The following KLHL29 variants were observed in gnomAD, a reference collection of about 807,000 sequenced individuals.
KLHL29 encodes kelch like family member 29, also known as kelch-like protein 29.
In KLHL29, 21 loss-of-function variants were observed where a neutral mutation model predicts 80.4. The ratio of observed to expected loss-of-function variants is 0.26; its 90% CI spans 0.19 to 0.38. The LOEUF is 0.38. Among genes scored for constraint, KLHL29 ranks in the 10% least tolerant of loss-of-function variants. The pLI, the probability that KLHL29 is intolerant of heterozygous loss-of-function variation, is 1.00. For missense variants in KLHL29, 867 were observed against 1,223.9 expected, an observed-to-expected ratio of 0.71 and a Z score of 4.35; for synonymous variants, 511 against 526.8, an observed-to-expected ratio of 0.97 and a Z score of 0.41.
rs546828732 is a variant in KLHL29 at position 23,703,431 on chromosome 2, G to C, written c.2299+52G>C. The C allele has an allele frequency of 2.9e-6, 4 of 1,386,840 alleles. No homozygotes were observed. The African/African-American group carries it at 4.3e-5, about 15-fold the overall frequency. 85.9% of individuals were successfully genotyped at this position (1,386,840 alleles called of 1,614,324 possible). A position where few individuals can be genotyped will look rare whatever the true frequency, so the allele number is the denominator to read the frequency against. On this transcript the variant is annotated intron_variant, in intron 12 of 13. Transcript: ENST00000486442. Reference sequence around the variant, plus strand: ...AGGGCCAGGGTCGCATCCCTGCCTTGCTGATTTGTTCAGTATCCCATGCCC... The same window carrying C: ...AGGGCCAGGGTCGCATCCCTGCCTTCCTGATTTGTTCAGTATCCCATGCCC...
At chr2:23,422,954 C>G (rs910984024) in intron 1 of KLHL29, among the ~76,000 whole-genome samples, 3 of 152,248 alleles carry the variant, frequency 2.0e-5, no homozygotes, top group Admixed American at 1.3e-4. Flanking sequence ...GGTGAAATGC[C>G]AGCAAGCCAT....
In KLHL29 at chr2:23,642,322, TC is replaced by T. The variant is rs1669790591; in HGVS notation, c.428-14del. The T allele has an allele frequency of 2.1e-6, 3 of 1,396,314 alleles. No homozygotes were observed. The highest frequency in any genetic ancestry group is 2.8e-6 in the Non-Finnish European group (3 of 1,069,338). 86.5% of individuals were successfully genotyped at this position (1,396,314 alleles called of 1,614,324 possible). A position where few individuals can be genotyped will look rare whatever the true frequency, so the allele number is the denominator to read the frequency against. ...AATGTAACCGGCAGATGACGTTTCT[TC>T]CATCTCCCTTGCAGGCACAGGGCCA... On this transcript the variant is annotated splice_polypyrimidine_tract_variant and intron_variant, in intron 4 of 13. Coordinates refer to ENST00000486442, the MANE Select transcript of KLHL29 (RefSeq NM_052920.2).
intron 2 of KLHL29, among the ~76,000 whole-genome samples, chr2:23,539,442 T>G (rs1666772675): frequency 1.4e-5 from 2 of 141,400 alleles, no homozygotes; most frequent in Admixed American, 6.9e-5. Context: ...CTTTTTTTTT[T>G]TTTTTTTTTT....
At chr2:23,654,701 G>C (rs888464635) in intron 5 of KLHL29, among the ~76,000 whole-genome samples, 1 of 118,068 alleles carries the variant, frequency 8.5e-6, no homozygotes, top group East Asian at 3.4e-4. Flanking sequence ...GAGGTTGGGG[G>C]GGGGGGGTGG....
chr2:23,701,497 A>G (rs1038616596), intron 11 of KLHL29, among the ~76,000 whole-genome samples: 1 of 152,160 alleles, frequency 6.6e-6, no homozygotes, highest in Non-Finnish European at 1.5e-5. Context: ...AGGATTGCTT[A>G]AGCTCAGGAG....
intron 1 of KLHL29, among the ~76,000 whole-genome samples, chr2:23,445,794 A>G (rs1663656455): frequency 6.6e-6 from 1 of 152,236 alleles, no homozygotes; most frequent in Non-Finnish European, 1.5e-5. Flanking sequence ...TGCCAATATG[A>G]TGAATGAGAA....
intron 1 of KLHL29, among the ~76,000 whole-genome samples, chr2:23,428,532 C>T (rs1196433227): frequency 3.3e-5 from 5 of 152,160 alleles, no homozygotes; most frequent in African/African-American, 1.2e-4. Flanking sequence ...TGTGCAGGCA[C>T]CATTGCCAGA....
At chr2:23,558,731 A>G (rs1227582019) in intron 2 of KLHL29, among the ~76,000 whole-genome samples, 1 of 152,210 alleles carries the variant, frequency 6.6e-6, no homozygotes, top group African/African-American at 2.4e-5. Context: ...TTACTCCAGC[A>G]CCTACGTGGA....
Position 23,625,996 on chromosome 2 carries a change from T to A in KLHL29, c.286-13143T>A, listed in dbSNP as rs1669299019. The stretch of plus-strand genomic sequence containing the variant: ...TCAGAGGTCCCAGCCTCCTTGACTG[T>A]GAGGAATGCATTTCTGTTGTTTAAG... On this transcript the variant is annotated intron_variant, in intron 3 of 13. Transcript: ENST00000486442. Among the ~76,000 whole-genome samples the A allele has an allele frequency of 2.6e-5, 4 of 152,038 alleles. No individual in the cohort carries two copies. The South Asian group carries it at 8.3e-4, about 32-fold the overall frequency.
At chr2:23,668,595 G>C (rs1349351320) in intron 5 of KLHL29, 1 of 152,330 alleles carries the variant, frequency 6.6e-6, no homozygotes, top group Admixed American at 6.5e-5. Flanking sequence ...GAGGGGAACA[G>C]ATAGGAGCTG....
chr2:23,511,413 G>T (rs1245736486), intron 2 of KLHL29, among the ~76,000 whole-genome samples: 2 of 152,176 alleles, frequency 1.3e-5, no homozygotes, highest in Admixed American at 6.5e-5. Context: ...CAGTTGGAGG[G>T]CGCAGACCAA....
intron 1 of KLHL29, among the ~76,000 whole-genome samples, chr2:23,445,655 T>C (rs1000956882): frequency 1.3e-5 from 2 of 152,142 alleles, no homozygotes; most frequent in African/African-American, 4.8e-5. Flanking sequence ...TGAAAACAGG[T>C]GTAATTTGTC....
In KLHL29 at chr2:23,647,220, A is replaced by G. The variant is rs1296278226; in HGVS notation, c.940+4370A>G. Among the ~76,000 whole-genome samples, 1 of 152,064 alleles carries G rather than the reference A, an allele frequency of 6.6e-6. No homozygotes were observed. The highest frequency in any genetic ancestry group is 1.5e-5 in the Non-Finnish European group (1 of 67,992). Reference sequence around the variant, plus strand: ...AGGTGTGAGGCCTGGCACTGATCTCATCTCTCCTTGCCCCACACTCTGACA... The same window carrying G: ...AGGTGTGAGGCCTGGCACTGATCTCGTCTCTCCTTGCCCCACACTCTGACA... On this transcript the variant is annotated intron_variant, in intron 5 of 13. Coordinates refer to ENST00000486442, the MANE Select transcript of KLHL29 (RefSeq NM_052920.2). The surrounding 1 kb of genome is among the most constrained non-coding windows in gnomAD (Gnocchi z 4.9).
Position 23,593,605 on chromosome 2 carries a change from A to G in KLHL29, c.285+31124A>G, listed in dbSNP as rs138687772. Among the ~76,000 whole-genome samples the G allele has an allele frequency of 1.1e-4, 16 of 152,240 alleles. No homozygotes were observed. The East Asian group carries it at 3.1e-3, about 30-fold the overall frequency. The stretch of plus-strand genomic sequence containing the variant: ...CTTTGGGGCAGTGGTGCGGAGGAGA[A>G]GTGATGGAAGGACGTCAGACCCCTC... On this transcript the variant is annotated intron_variant, in intron 3 of 13. Coordinates refer to ENST00000486442, the MANE Select transcript of KLHL29 (RefSeq NM_052920.2).
chr2:23,471,164 T>C (rs1022129995), intron 1 of KLHL29, among the ~76,000 whole-genome samples: 6 of 152,294 alleles, frequency 3.9e-5, no homozygotes, highest in African/African-American at 1.4e-4. Context: ...AGACTCTTTG[T>C]TGCCCAGTTT....
chr2:23,700,402 T>C lies in KLHL29; in HGVS notation c.2106-2784T>C, dbSNP rs1362534462. On this transcript the variant is annotated intron_variant, in intron 11 of 13. Transcript: ENST00000486442. This position sits in a 1 kb window ranked among gnomAD's most constrained non-coding sequence, Gnocchi z 4.6. ...TTCCTAATTTTTTACTACATGTTAC[T>C]ACTCTCTTGGGCCTTGAGGTTATAT... 6.6e-6 allele frequency among the ~76,000 whole-genome samples: 1 copy of C among 152,244 alleles called. No homozygotes were observed. The highest frequency in any genetic ancestry group is 6.5e-5 in the Admixed American group (1 of 15,286).
chr2:23,430,682 A>T (rs1028127652), intron 1 of KLHL29, among the ~76,000 whole-genome samples: 1 of 152,112 alleles, frequency 6.6e-6, no homozygotes, highest in Non-Finnish European at 1.5e-5. Flanking sequence ...CACCCTGCCT[A>T]CCTCAGCCCA....
At chr2:23,686,945 A>C (rs959932224) in intron 6 of KLHL29, among the ~76,000 whole-genome samples, 4 of 152,212 alleles carry the variant, frequency 2.6e-5, no homozygotes, top group Admixed American at 6.5e-5. Flanking sequence ...GAGGAAAGCC[A>C]AGTCTTTACA....
intron 3 of KLHL29, among the ~76,000 whole-genome samples, chr2:23,563,468 T>C (rs749985202): frequency 4.6e-5 from 7 of 152,240 alleles, no homozygotes; most frequent in Non-Finnish European, 7.3e-5. Flanking sequence ...TCCGTGTACA[T>C]GCGTGTATGT....
Sources: allele counts gnomAD v4.1 joint callset (sites outside exome capture counted in the v4.1 genomes callset), GRCh38; gene constraint gnomAD v4.1.1; non-coding constraint Gnocchi (gnomAD v3.1); transcripts MANE v1.5; gene names NCBI Gene and HGNC (gene_info 2026-07-23, HGNC 2026-07-21).